Variants in FRAS1 observed in about 807,000 individuals in gnomAD.
The protein encoded by FRAS1 is Fraser extracellular matrix complex subunit 1.
A neutral mutation model predicts 435.2 loss-of-function variants in FRAS1; 290 were observed. The ratio of observed to expected loss-of-function variants is 0.67; its 90% CI spans 0.61 to 0.73. The LOEUF (loss-of-function observed/expected upper bound fraction) is 0.73, where lower values mean the gene tolerates loss of function less well. Ranked by LOEUF, FRAS1 falls within the 30% of genes least tolerant of loss-of-function variation. The pLI is 0.00. For missense variants in FRAS1, 4,860 were observed against 5,001.5 expected (o/e 0.97, Z 0.85); for synonymous variants, 1,800 against 1,851.0 (o/e 0.97, Z 0.71).
At chr4:78,397,130 A>T (rs1487408865) in intron 29 of FRAS1, among the ~76,000 whole-genome samples, 1 of 152,212 alleles carries the variant, frequency 6.6e-6, no homozygotes, top group African/African-American at 2.4e-5. Flanking sequence ...GAAGGCTTGC[A>T]TCACTGTGTT....
At chr4:78,327,148 G>A (rs1192507285) in intron 18 of FRAS1, among the ~76,000 whole-genome samples, 2 of 152,298 alleles carry the variant, frequency 1.3e-5, no homozygotes, top group Non-Finnish European at 2.9e-5. Context: ...CTGGAGGCCT[G>A]AAGTTTGAGG....
In FRAS1 at chr4:78,248,728, T is replaced by C. The variant is rs1182667700; in HGVS notation, c.309+3403T>C. Among the ~76,000 whole-genome samples, 4 of 152,256 alleles carry C rather than the reference T, an allele frequency of 2.6e-5. No individual in the cohort carries two copies. The East Asian group carries it at 5.8e-4, about 22-fold the overall frequency. The stretch of plus-strand genomic sequence containing the variant: ...ACAAATTATATGAAGAAAAATTGTA[T>C]TTTTGTTCTGTCAGTAAGCCAGGCA... On this transcript the variant is annotated intron_variant, in intron 4 of 73. Transcript: ENST00000512123.
At chr4:78,269,524 G>T (rs1039326354) in intron 9 of FRAS1, among the ~76,000 whole-genome samples, 1 of 152,168 alleles carries the variant, frequency 6.6e-6, no homozygotes, top group African/African-American at 2.4e-5. Context: ...TAAAAGAAGA[G>T]GCAAAGGTGT....
chr4:78,531,836 T>C (rs1721725571), intron 70 of FRAS1, among the ~76,000 whole-genome samples: 1 of 152,252 alleles, frequency 6.6e-6, no homozygotes, highest in South Asian at 2.1e-4. Flanking sequence ...TCAATCTCTC[T>C]GTTCTAGGTG....
At chr4:78,432,336 A>C (rs765366172) in intron 37 of FRAS1, 21 bp from the exon 38 acceptor site, 3 of 1,573,546 alleles carry the variant, frequency 1.9e-6, no homozygotes, top group Non-Finnish European at 2.6e-6. Context: ...ACTCGTTTGC[A>C]ATTTGTTTTA....
At chr4:78,204,337 T>C (rs1225122402) in intron 2 of FRAS1, among the ~76,000 whole-genome samples, 1 of 152,192 alleles carries the variant, frequency 6.6e-6, no homozygotes, top group Non-Finnish European at 1.5e-5. Flanking sequence ...TAAACATCTG[T>C]ACAATGGAGT....
At chr4:78,319,611 G>T (rs1729419507) in intron 18 of FRAS1, 1 of 304,588 alleles carries the variant, frequency 3.3e-6, no homozygotes, top group Admixed American at 4.0e-5. Flanking sequence ...ATTTTTCATT[G>T]TAAACATATG....
chr4:78,446,251 G>A, intron 42 of FRAS1: 1 of 1,001,454 alleles, frequency 1.0e-6, no homozygotes, highest in South Asian at 4.5e-5. Context: ...AGAACCCTCT[G>A]CACTCTTAAG....
At chr4:78,290,416 A>C (rs943213582) in intron 14 of FRAS1, among the ~76,000 whole-genome samples, 2 of 151,356 alleles carry the variant, frequency 1.3e-5, no homozygotes, top group Non-Finnish European at 2.9e-5. Flanking sequence ...CTGGAGCTAA[A>C]CCACCTGGAC....
chr4:78,205,394 T>C (rs1404565212), intron 2 of FRAS1, among the ~76,000 whole-genome samples: 1 of 151,996 alleles, frequency 6.6e-6, no homozygotes, highest in Non-Finnish European at 1.5e-5. Flanking sequence ...GGATCTCACT[T>C]TGTTGCCAAG....
rs370838656 is a variant in FRAS1 at position 78,337,660 on chromosome 4, C to T, written c.2279-14C>T. ...AGCTGCTAATTCCAATCCTGGTTTT[C>T]GTCCCCCTGCCAGAGTGTCACCCAA... On this transcript the variant is annotated splice_polypyrimidine_tract_variant and intron_variant, in intron 19 of 73. Transcript: ENST00000512123. 8.7e-6 allele frequency: 14 copies of T among 1,607,900 alleles called. No individual in the cohort carries two copies. Among genetic ancestry groups the T allele is most frequent in the African/African-American group, 1.3e-5 (1 of 74,842 alleles).
In FRAS1 at chr4:78,284,520, T is replaced by G. The variant is rs746772122; in HGVS notation, c.1371T>G (p.Gly457=). ...GGTGTGTGCACAGCTGTGGACTGGGTTTTTACCAAGCTGGCAGTCTCTGTT... is the reference window on the plus strand; with the variant it reads ...GGTGTGTGCACAGCTGTGGACTGGGGTTTTACCAAGCTGGCAGTCTCTGTT... The part of the protein sequence containing the change: ...NGWCVHSCGL[G]FYQAGSLCLA... Residue 457 remains glycine, a synonymous_variant, in exon 13 of 74, where the codon GGT becomes GGG. Transcript: ENST00000512123. 6.2e-7 allele frequency: 1 copy of G among 1,611,370 alleles called. No homozygotes were observed. Among genetic ancestry groups the G allele is most frequent in the Non-Finnish European group, 8.5e-7 (1 of 1,178,816 alleles).
At chr4:78,457,876 C>T (rs574350717) in intron 47 of FRAS1, among the ~76,000 whole-genome samples, 2 of 152,342 alleles carry the variant, frequency 1.3e-5, no homozygotes, top group South Asian at 2.1e-4. Flanking sequence ...CTCTTCCCTT[C>T]CTTACCCTAA....
In FRAS1 at chr4:78,430,435, C is replaced by T; in HGVS notation, c.4969+18C>T. The T allele has an allele frequency of 1.2e-6, 2 of 1,604,724 alleles. No individual in the cohort carries two copies. Among genetic ancestry groups the T allele is most frequent in the East Asian group, 2.2e-5 (1 of 44,684 alleles). On this transcript the variant is annotated intron_variant, in intron 37 of 73. Coordinates refer to ENST00000512123, the MANE Select transcript of FRAS1 (RefSeq NM_025074.7). ...GGCCACAGGTAGCTACACACCTACA[C>T]ACTCTGTCACTGACCTGCTTGGAGG...
rs1013450976 is a variant in FRAS1, at chr4:78,480,422, G to T, written c.8443+704G>T. Among the ~76,000 whole-genome samples the T allele has an allele frequency of 6.6e-5, 10 of 152,286 alleles. 1 individual carries two copies. The highest frequency in any genetic ancestry group is 3.9e-4 in the East Asian group (2 of 5,184). On this transcript the variant is annotated intron_variant, in intron 56 of 73. Coordinates refer to ENST00000512123, the MANE Select transcript of FRAS1 (RefSeq NM_025074.7). ...ATAGAGTGTAGAAGGTTTTACTCTG[G>T]TTCTTGATGGCAGGCAGGGCTGTGG...
In FRAS1 at chr4:78,284,401, T is replaced by C; in HGVS notation, c.1256-4T>C. On this transcript the variant is annotated splice_region_variant and splice_polypyrimidine_tract_variant and intron_variant, in intron 12 of 73. Transcript: ENST00000512123. ...GTTCTCCCCTTCTTTGTCCTTGATTTCAGTTCATTGCCATCCAGATTGTTT... is the reference window on the plus strand; with the variant it reads ...GTTCTCCCCTTCTTTGTCCTTGATTCCAGTTCATTGCCATCCAGATTGTTT... 6.2e-7 allele frequency: 1 copy of C among 1,613,880 alleles called. No homozygotes were observed. Among genetic ancestry groups the C allele is most frequent in the Non-Finnish European group, 8.5e-7 (1 of 1,179,810 alleles).
intron 2 of FRAS1, among the ~76,000 whole-genome samples, chr4:78,231,925 T>C (rs1276140176): frequency 6.6e-6 from 1 of 152,230 alleles, no homozygotes; most frequent in African/African-American, 2.4e-5. Context: ...CTTGTCATAA[T>C]CTAATCCTTT....
intron 2 of FRAS1, among the ~76,000 whole-genome samples, chr4:78,118,901 C>T (rs941689291): frequency 6.6e-6 from 1 of 152,208 alleles, no homozygotes; most frequent in Non-Finnish European, 1.5e-5. Flanking sequence ...CACCCGTCTT[C>T]TGCATCACTC....
At chr4:78,333,932 T>G (rs1730050094) in intron 19 of FRAS1, among the ~76,000 whole-genome samples, 1 of 151,768 alleles carries the variant, frequency 6.6e-6, no homozygotes, top group Admixed American at 6.6e-5. Flanking sequence ...GCCTCATGAG[T>G]AGCTGAAACC....
Sources: allele counts gnomAD v4.1 joint callset (sites outside exome capture counted in the v4.1 genomes callset), GRCh38; gene constraint gnomAD v4.1.1; transcripts MANE v1.5; gene names NCBI Gene and HGNC (gene_info 2026-07-23, HGNC 2026-07-21).